WASHC5: variants seen among roughly 807,000 people sequenced by gnomAD.
The protein encoded by WASHC5 is WASH complex subunit 5.
In WASHC5, 101 loss-of-function variants were observed where a neutral mutation model predicts 150.4. The observed-to-expected ratio is 0.67, with a 90% CI of 0.57 to 0.79. WASHC5 has a LOEUF of 0.79. Ranked by LOEUF, WASHC5 falls within the 30% of genes least tolerant of loss-of-function variation. The pLI is 0.00. For missense variants in WASHC5, 1,195 were observed against 1,396.3 expected, an observed-to-expected ratio of 0.86 and a Z score of 2.30; for synonymous variants, 467 against 491.2, an observed-to-expected ratio of 0.95 and a Z score of 0.65.
intron 19 of WASHC5, among the ~76,000 whole-genome samples, chr8:125,047,728 T>C (rs555133640): frequency 1.3e-5 from 2 of 152,234 alleles, no homozygotes; most frequent in South Asian, 4.1e-4. Context: ...GTGTGCCAGG[T>C]CTGGCTAATT....
intron 3 of WASHC5, chr8:125,082,801 T>C (rs1043049029): frequency 2.8e-6 from 1 of 363,274 alleles, no homozygotes; most frequent in African/African-American, 2.1e-5. Context: ...AGAAAGTTAA[T>C]GATAAAGATA....
chr8:125,087,255 T>C (rs1349230778), intron 1 of WASHC5, among the ~76,000 whole-genome samples: 2 of 152,236 alleles, frequency 1.3e-5, no homozygotes, highest in African/African-American at 4.8e-5. Context: ...GCTATTTCTG[T>C]ATTGTACTAC....
chr8:125,038,958 C>A lies in WASHC5; in HGVS notation c.2956G>T (p.Ala986Ser). 6.2e-7 allele frequency: 1 copy of A among 1,613,496 alleles called. No individual in the cohort carries two copies. Residue 986 changes from alanine to serine, a missense_variant and splice_region_variant, in exon 25 of 29, where the codon GCT (alanine) becomes TCT (serine). Around this residue, in one of 3 missense-constraint regions of WASHC5, gnomAD observed 997 missense variants for 1,168.1 expected, o/e 0.85. Coordinates refer to ENST00000318410, the MANE Select transcript of WASHC5 (RefSeq NM_014846.4). ...TGGGCTTCAATGTCTGCTAGGAGAGCCCTAAAGGAAGAAAAACCCTGGAGA... is the reference window on the plus strand; with the variant it reads ...TGGGCTTCAATGTCTGCTAGGAGAGACCTAAAGGAAGAAAAACCCTGGAGA... ...LAAALENLNK[A>S]LLADIEAHYQ...
Position 125,067,532 on chromosome 8 carries a change from A to T in WASHC5, c.1278+60T>A, listed in dbSNP as rs192735116. The T allele has an allele frequency of 4.5e-3, 6,464 of 1,433,898 alleles. 222 individuals carry two copies. In the African/African-American group the frequency reaches 0.083, roughly 18 times the overall value. 88.8% of individuals were successfully genotyped at this position (1,433,898 alleles called of 1,614,324 possible). On this transcript the variant is annotated intron_variant, in intron 10 of 28. Transcript: ENST00000318410. ...CAAGCAATCCTAGTCTTTTTTTTAA[A>T]AAATATTTTTAAGCATAAAAAAGCT... is the stretch of plus-strand genomic sequence containing the variant.
chr8:125,060,757 A>G (rs1425405260), intron 12 of WASHC5, among the ~76,000 whole-genome samples: 1 of 152,174 alleles, frequency 6.6e-6, no homozygotes, highest in Non-Finnish European at 1.5e-5. Context: ...AACCCTAAAA[A>G]TGGTATACAC....
chr8:125,086,627 C>A (rs1359897596), intron 1 of WASHC5, among the ~76,000 whole-genome samples: 2 of 152,242 alleles, frequency 1.3e-5, no homozygotes, highest in African/African-American at 4.8e-5. Context: ...GGGGACCCAA[C>A]TCAGCTCATA....
rs759111022 is a variant in WASHC5, at chr8:125,056,682, A to T, written c.2011T>A (p.Tyr671Asn). ...LRDYAQLGPR[Y>N]EVAKLTHAIS... ...AAGTCAGAGGGACACAGCACCTCGT[A>T]TCGTGGGCCTAGCTGAGCATAGTCC... The change falls in exon 16 of 29, where the codon TAC becomes AAC. Residue 671 changes from tyrosine (Y) to asparagine (N), a missense_variant. Around this residue, in one of 3 missense-constraint regions of WASHC5, gnomAD observed 997 missense variants for 1,168.1 expected, o/e 0.85. Coordinates refer to ENST00000318410, the MANE Select transcript of WASHC5 (RefSeq NM_014846.4). 1 of 1,614,132 alleles carries T rather than the reference A, an allele frequency of 6.2e-7. No homozygotes were observed. Among genetic ancestry groups the T allele is most frequent in the Non-Finnish European group, 8.5e-7 (1 of 1,179,984 alleles).
At chr8:125,038,635 A>T (rs1239710386) in intron 25 of WASHC5, among the ~76,000 whole-genome samples, 195 bp downstream of exon 25, 3 of 152,204 alleles carry the variant, frequency 2.0e-5, no homozygotes, top group African/African-American at 7.2e-5. Flanking sequence ...CCAGCGCTAT[A>T]GCACTTGATT....
At chr8:125,079,068 T>C in intron 5 of WASHC5, 138 bp from the exon 6 acceptor site, 1 of 596,686 alleles carries the variant, frequency 1.7e-6, no homozygotes, top group Admixed American at 2.6e-5. Flanking sequence ...ATATCCTCAA[T>C]ATATCCTCAA....
rs146065525 is a variant in WASHC5, at chr8:125,057,464, C to T, written c.1875+92G>A. On this transcript the variant is annotated intron_variant, in intron 15 of 28. Transcript: ENST00000318410. ...CAAATTTTTAAAAGGGAAAGAGACA[C>T]GGATATACTTTTGGGGGGCCTAAGC... 156 of 845,324 alleles carry T rather than the reference C, an allele frequency of 1.8e-4. No homozygotes were observed. The African/African-American group carries it at 2.2e-3, about 12-fold the overall frequency. 52.4% of individuals were successfully genotyped at this position (845,324 alleles called of 1,614,324 possible). A position where few individuals can be genotyped will look rare whatever the true frequency, so the allele number is the denominator to read the frequency against.
chr8:125,043,517 A>G (rs998841785), intron 23 of WASHC5, among the ~76,000 whole-genome samples: 4 of 152,184 alleles, frequency 2.6e-5, no homozygotes, highest in Non-Finnish European at 4.4e-5. Context: ...GTAAAAAGGG[A>G]GTATTACTGT....
At chr8:125,089,435 A>G (rs1281045217) in intron 1 of WASHC5, among the ~76,000 whole-genome samples, 1 of 152,226 alleles carries the variant, frequency 6.6e-6, no homozygotes, top group Non-Finnish European at 1.5e-5. Flanking sequence ...TGTTTTAAGC[A>G]AGTTTACAAA....
chr8:125,088,379 T>C (rs10956231), intron 1 of WASHC5, among the ~76,000 whole-genome samples: 77,669 of 148,380 alleles, frequency 0.52, 24,058 homozygotes, highest in African/African-American at 0.87. Context: ...GAACCGAGAT[T>C]GCACCACTGC....
chr8:125,049,286 C>G, intron 18 of WASHC5, 101 bp from the exon 19 acceptor site: 6 of 1,265,054 alleles, frequency 4.7e-6, no homozygotes, highest in Non-Finnish European at 6.8e-6. Flanking sequence ...AGGCCAGATG[C>G]GGTGGCTCCC....
chr8:125,073,815 C>G (rs879899413), intron 8 of WASHC5, among the ~76,000 whole-genome samples: 2 of 152,212 alleles, frequency 1.3e-5, no homozygotes, highest in Non-Finnish European at 2.9e-5. Context: ...GGCTTAACCC[C>G]TGTGTATTGG....
intron 11 of WASHC5, among the ~76,000 whole-genome samples, chr8:125,061,938 A>C (rs1243821926): frequency 6.6e-6 from 1 of 152,214 alleles, no homozygotes; most frequent in Non-Finnish European, 1.5e-5. Flanking sequence ...TAAATGGCAG[A>C]GCCAGGATTT....
chr8:125,076,287 A>G, intron 7 of WASHC5, 61 bp downstream of exon 7: 1 of 1,530,492 alleles, frequency 6.5e-7, no homozygotes, highest in Non-Finnish European at 9.0e-7. Context: ...AAAGGCCAAA[A>G]GAATGGGAAG....
intron 17 of WASHC5, 109 bp downstream of exon 17, chr8:125,055,482 T>A: frequency 1.3e-6 from 1 of 776,696 alleles, no homozygotes; most frequent in South Asian, 1.4e-5. Context: ...AATTGGAATG[T>A]CAAACAGCCA....
chr8:125,042,514 C>A (rs932719117), intron 23 of WASHC5, among the ~76,000 whole-genome samples: 1 of 152,242 alleles, frequency 6.6e-6, no homozygotes, highest in East Asian at 1.9e-4. Context: ...ATCACTGACT[C>A]GGTCACAGTC....
Sources: gnomAD v4.1 joint callset for allele counts (sites outside exome capture counted in the v4.1 genomes callset) on GRCh38, gnomAD v4.1.1 for gene constraint, gnomAD v4.1.1 regional missense constraint, MANE v1.5 for transcripts, NCBI Gene and HGNC (gene_info 2026-07-23, HGNC 2026-07-21) for gene names.